SLC16A2: variants seen among roughly 807,000 people sequenced by gnomAD.
SLC16A2 encodes the protein monocarboxylate transporter 8.
A neutral mutation model predicts 27.2 loss-of-function variants in SLC16A2; 3 were observed. The observed-to-expected ratio is 0.11, with a 90% CI of 0.05 to 0.28. The LOEUF is 0.28. SLC16A2 is among the 10% of genes least tolerant of loss of function. SLC16A2 has a pLI of 1.00. For synonymous variants in SLC16A2, 202 were observed against 187.8 expected, an observed-to-expected ratio of 1.08 and a Z score of -0.62; for missense variants, 295 against 458.5, an observed-to-expected ratio of 0.64 and a Z score of 3.26.
chrX:74,514,835 C>T, intron 1 of SLC16A2, among the ~76,000 whole-genome samples: 1 of 112,175 alleles, frequency 8.9e-6, no homozygotes, highest in Non-Finnish European at 1.9e-5. Context: ...ACCCTTCCTT[C>T]TTAGAGTGTC....
At chrX:74,514,547 C>CT (rs2147867417) in intron 1 of SLC16A2, among the ~76,000 whole-genome samples, 1 of 111,298 alleles carries the variant, frequency 9.0e-6, no homozygotes, top group South Asian at 3.9e-4. Flanking sequence ...GTAACAAGGC[C>CT]TACCCCTCCC....
intron 1 of SLC16A2, among the ~76,000 whole-genome samples, chrX:74,511,875 G>A (rs777782065): frequency 8.9e-6 from 1 of 111,927 alleles, no homozygotes; most frequent in South Asian, 3.8e-4. Flanking sequence ...CAAGGCCAGG[G>A]AAATAATTAA....
intron 1 of SLC16A2, among the ~76,000 whole-genome samples, chrX:74,513,549 T>A (rs1930268055): frequency 8.9e-6 from 1 of 112,147 alleles, no homozygotes; most frequent in Non-Finnish European, 1.9e-5. Context: ...ATTGTCACCA[T>A]AATTGTTATC....
intron 2 of SLC16A2, among the ~76,000 whole-genome samples, chrX:74,524,018 T>G: frequency 8.9e-6 from 1 of 111,812 alleles, no homozygotes. Flanking sequence ...TAGCCCCTCA[T>G]CCAGCTTTTA....
chrX:74,518,689 G>T (rs1430843783), intron 1 of SLC16A2, among the ~76,000 whole-genome samples: 1 of 111,920 alleles, frequency 8.9e-6, no homozygotes, highest in Non-Finnish European at 1.9e-5. Context: ...TAGTGATGTT[G>T]AGCATCTTTT....
At chrX:74,526,885 T>C (rs1405439712) in intron 4 of SLC16A2, among the ~76,000 whole-genome samples, 1 of 112,793 alleles carries the variant, frequency 8.9e-6, no homozygotes, top group African/African-American at 3.2e-5. Flanking sequence ...CATAGGAATA[T>C]GTGTGGCTTT....
intron 1 of SLC16A2, among the ~76,000 whole-genome samples, chrX:74,442,244 A>C (rs950652235): frequency 1.8e-5 from 2 of 109,248 alleles, no homozygotes; most frequent in Admixed American, 2.0e-4. Context: ...AAAAAAAAAA[A>C]AAAAAGAAAT....
intron 1 of SLC16A2, among the ~76,000 whole-genome samples, chrX:74,492,084 C>G (rs934248525): frequency 8.9e-6 from 1 of 111,979 alleles, no homozygotes; most frequent in Non-Finnish European, 1.9e-5. Context: ...CCTATCCTAG[C>G]GACTTGCCAT....
intron 1 of SLC16A2, among the ~76,000 whole-genome samples, chrX:74,492,002 A>G (rs918551017): frequency 8.9e-6 from 1 of 112,546 alleles, no homozygotes; most frequent in African/African-American, 3.2e-5. Context: ...GGATGTCCCT[A>G]TGTAAGCAGG....
chrX:74,477,396 G>C (rs777343327), intron 1 of SLC16A2, among the ~76,000 whole-genome samples: 57 of 110,709 alleles, frequency 5.1e-4, no homozygotes, highest in Middle Eastern at 9.5e-3. Flanking sequence ...TCTAGCTAGC[G>C]GTCTATCCAT....
At chrX:74,474,595 C>A (rs1407473885) in intron 1 of SLC16A2, among the ~76,000 whole-genome samples, 3 of 109,758 alleles carry the variant, frequency 2.7e-5, no homozygotes, top group African/African-American at 6.7e-5. Context: ...CGTCATTTAA[C>A]ATTAGGTATA....
intron 1 of SLC16A2, among the ~76,000 whole-genome samples, chrX:74,462,191 T>C (rs1929161732): frequency 8.9e-6 from 1 of 112,226 alleles, no homozygotes; most frequent in Non-Finnish European, 1.9e-5. Context: ...TCAAGGCCCT[T>C]TGTGCTTTCT....
At chrX:74,485,349 G>A (rs1017511064) in intron 1 of SLC16A2, among the ~76,000 whole-genome samples, 5 of 110,553 alleles carry the variant, frequency 4.5e-5, no homozygotes, top group African/African-American at 6.5e-5. Flanking sequence ...TTAGCCATTC[G>A]CTAAAGAAAA....
At chrX:74,462,055 C>T (rs780379044) in intron 1 of SLC16A2, among the ~76,000 whole-genome samples, 2 of 111,867 alleles carry the variant, frequency 1.8e-5, no homozygotes, top group Non-Finnish European at 3.8e-5. Flanking sequence ...ACTCCCTCTT[C>T]CTGCCTCCTC....
At chrX:74,513,223 T>C (rs1930262703) in intron 1 of SLC16A2, among the ~76,000 whole-genome samples, 2 of 112,257 alleles carry the variant, frequency 1.8e-5, no homozygotes, top group African/African-American at 3.2e-5. Context: ...CCTGATGGAA[T>C]GTTACAAGGT....
At position 74,524,728 on chromosome X, in the gene SLC16A2, G is replaced by C; in HGVS notation, c.945G>C (p.Val315=). ...AQLRKYFNMR[V]FRQRTYRIWA... Reference sequence around the variant, plus strand: ...TCAGGAAGTACTTCAACATGCGAGTGTTCCGCCAACGCACTTACCGCATCT... The same window carrying C: ...TCAGGAAGTACTTCAACATGCGAGTCTTCCGCCAACGCACTTACCGCATCT... Residue 315 remains valine (V), a synonymous_variant, in exon 3 of 6, where the codon GTG becomes GTC. Transcript: ENST00000587091. The C allele has an allele frequency of 8.3e-7, 1 of 1,211,735 alleles. No individual in the cohort carries two copies. The highest frequency in any genetic ancestry group is 1.1e-6 in the Non-Finnish European group (1 of 895,560).
intron 1 of SLC16A2, chrX:74,476,849 G>A (rs1271267791): frequency 9.0e-6 from 1 of 111,555 alleles, no homozygotes; most frequent in African/African-American, 3.3e-5. Context: ...TGATGGATAA[G>A]CTTTTTGATG....
rs1929369306 is a variant in SLC16A2 at position 74,472,190 on chromosome X, C to T, written c.431-48800C>T. ...TGATTTCAATTATTTTGGGTATATA[C>T]CCAGAAATATGTTTTTAATTTTTAT... On this transcript the variant is annotated intron_variant, in intron 1 of 5. Coordinates refer to ENST00000587091, the MANE Select transcript of SLC16A2 (RefSeq NM_006517.5). Among the ~76,000 whole-genome samples, 3 of 111,440 alleles carry T rather than the reference C, an allele frequency of 2.7e-5. No individual in the cohort carries two copies. In the Admixed American group the frequency reaches 2.9e-4, roughly 11 times the overall value.
chrX:74,421,720 GC>G lies in SLC16A2; in HGVS notation c.86del (p.Pro29GlnfsTer55), dbSNP rs2147833856. 1 of 1,175,814 alleles carries G rather than the reference GC, an allele frequency of 8.5e-7. No homozygotes were observed. The highest frequency in any genetic ancestry group is 1.7e-5 in the African/African-American group (1 of 57,221). ...CAGGAACAGCAGGAGCCGGTGGGTA[GC>G]CCAGAGCCGGAGTCTGAGCCGGAGC... ...ADQEQQEPVGSPEPESEPEPE... is the reference protein window; with the variant it reads ...ADQEQQEPVGXPEPESEPEPE... On this transcript the variant is annotated frameshift_variant, in exon 1 of 6. Coordinates refer to ENST00000587091, the MANE Select transcript of SLC16A2 (RefSeq NM_006517.5). LOFTEE classifies it high-confidence loss of function.
Sources: allele counts gnomAD v4.1 joint callset (sites outside exome capture counted in the v4.1 genomes callset), GRCh38; gene constraint gnomAD v4.1.1; transcripts MANE v1.5; gene names NCBI Gene and HGNC (gene_info 2026-07-23, HGNC 2026-07-21).